The following POU6F2 variants were observed in gnomAD, a reference collection of about 807,000 sequenced individuals.
POU6F2 encodes POU class 6 homeobox 2.
A neutral mutation model predicts 71.3 loss-of-function variants in POU6F2; 31 were observed. The observed-to-expected ratio is 0.43, with a 90% CI of 0.33 to 0.59. The LOEUF (loss-of-function observed/expected upper bound fraction) is 0.59. Ranked by LOEUF, POU6F2 falls within the 20% of genes least tolerant of loss-of-function variation. The probability of loss-of-function intolerance (pLI) is 0.04; values close to 1 mark genes in which losing one functional copy is unlikely to be tolerated. For synonymous variants in POU6F2, 347 were observed against 355.7 expected, an observed-to-expected ratio of 0.98 and a Z score of 0.27; for missense variants, 783 against 856.8, an observed-to-expected ratio of 0.91 and a Z score of 1.07.
At chr7:39,371,852 T>C (rs1786618163) in intron 5 of POU6F2, among the ~76,000 whole-genome samples, 1 of 152,248 alleles carries the variant, frequency 6.6e-6, no homozygotes, top group South Asian at 2.1e-4. Flanking sequence ...CCAGATTGTA[T>C]GTATCTTAGG....
At chr7:39,046,085 C>T (rs1790285667) in intron 1 of POU6F2, among the ~76,000 whole-genome samples, 1 of 151,826 alleles carries the variant, frequency 6.6e-6, no homozygotes, top group Non-Finnish European at 1.5e-5. Flanking sequence ...CAGGATATAA[C>T]AGCTCAGGTT....
chr7:39,314,332 G>T (rs148813498), intron 4 of POU6F2, among the ~76,000 whole-genome samples: 1 of 152,120 alleles, frequency 6.6e-6, no homozygotes, highest in East Asian at 1.9e-4. Flanking sequence ...TTTGAAAATT[G>T]TCATTAATAT....
intron 1 of POU6F2, among the ~76,000 whole-genome samples, chr7:38,988,025 A>G (rs1305931748): frequency 6.6e-6 from 1 of 152,136 alleles, no homozygotes; most frequent in Non-Finnish European, 1.5e-5. Flanking sequence ...GGCTTTTAAG[A>G]ACAAATTGCA....
chr7:39,289,941 G>A (rs1298433659), intron 4 of POU6F2, among the ~76,000 whole-genome samples: 1 of 152,054 alleles, frequency 6.6e-6, no homozygotes, highest in African/African-American at 2.4e-5. Flanking sequence ...TAGTCAGACG[G>A]ACTTGGGCCT....
At chr7:39,109,311 T>C (rs1242760263) in intron 2 of POU6F2, among the ~76,000 whole-genome samples, 1 of 152,188 alleles carries the variant, frequency 6.6e-6, no homozygotes, top group Non-Finnish European at 1.5e-5. Context: ...GCTGGGATTA[T>C]AGGTGTGAGT....
intron 2 of POU6F2, among the ~76,000 whole-genome samples, chr7:39,099,866 G>A (rs1791532112): frequency 1.3e-5 from 2 of 152,128 alleles, no homozygotes; most frequent in South Asian, 4.1e-4. Context: ...TCTCTTGGGA[G>A]CGTGGATCAG....
chr7:39,077,958 G>C (rs1241055457), intron 1 of POU6F2, among the ~76,000 whole-genome samples: 1 of 152,190 alleles, frequency 6.6e-6, no homozygotes, highest in Non-Finnish European at 1.5e-5. Flanking sequence ...GGTGCAGTGG[G>C]TTGTGTTGCA....
chr7:39,312,805 G>A (rs1215836310), intron 4 of POU6F2, among the ~76,000 whole-genome samples: 37 of 152,198 alleles, frequency 2.4e-4, no homozygotes, highest in Admixed American at 2.4e-3. Flanking sequence ...GGTGGGGAGT[G>A]GGTACAATGT....
rs191860658 is a variant in POU6F2, at chr7:39,225,381, G to A, written c.598+17761G>A. Among the ~76,000 whole-genome samples the A allele has an allele frequency of 6.4e-4, 98 of 152,248 alleles. 1 individual carries two copies. Among genetic ancestry groups the A allele is most frequent in the African/African-American group, 2.2e-3 (92 of 41,560 alleles). Reference sequence around the variant, plus strand: ...CTGCCCAACTTTCCCCTAACTTAAAGTTGTTTTAATCAGGCTATGTTGAAC... The same window carrying A: ...CTGCCCAACTTTCCCCTAACTTAAAATTGTTTTAATCAGGCTATGTTGAAC... On this transcript the variant is annotated intron_variant, in intron 4 of 9. Transcript: ENST00000518318.
intron 8 of POU6F2, among the ~76,000 whole-genome samples, chr7:39,456,574 T>A (rs537489150): frequency 4.6e-5 from 7 of 152,316 alleles, no homozygotes; most frequent in African/African-American, 1.7e-4. Flanking sequence ...CCACAGGTAG[T>A]AATCAGGGTA....
In POU6F2 at chr7:39,340,752, C is replaced by CATATAT. The variant is rs149719876; in HGVS notation, c.972+754_972+759dup. 4.7e-4 allele frequency among the ~76,000 whole-genome samples: 17 copies of CATATAT among 35,828 alleles called. No individual in the cohort carries two copies. In the South Asian group the frequency reaches 7.3e-3, roughly 15 times the overall value. 23.5% of individuals were successfully genotyped at this position (35,828 alleles called of 152,430 possible). A position where few individuals can be genotyped will look rare whatever the true frequency, so the allele number is the denominator to read the frequency against. ...TTGAGAAGGAATGGATAGGTGCATT[C>CATATAT]ATATATATATATATATATATATGAC... On this transcript the variant is annotated intron_variant, in intron 5 of 9. Transcript: ENST00000518318.
At chr7:39,230,948 T>C (rs1204833218) in intron 4 of POU6F2, among the ~76,000 whole-genome samples, 6 of 152,092 alleles carry the variant, frequency 3.9e-5, no homozygotes, top group Non-Finnish European at 5.9e-5. Context: ...CTTCCCCTAC[T>C]CCCCCAGGGT....
chr7:39,419,117 A>G (rs1787782352), intron 6 of POU6F2, among the ~76,000 whole-genome samples: 1 of 136,672 alleles, frequency 7.3e-6, no homozygotes, highest in South Asian at 2.4e-4. Flanking sequence ...ATATACGTAT[A>G]TATGTGTATA....
At chr7:39,416,823 A>G (rs1022714138) in intron 6 of POU6F2, among the ~76,000 whole-genome samples, 1 of 152,218 alleles carries the variant, frequency 6.6e-6, no homozygotes, top group African/African-American at 2.4e-5. Flanking sequence ...GTAAAAAAAA[A>G]AAAGAAGTTA....
At chr7:39,448,754 C>A (rs887153792) in intron 7 of POU6F2, among the ~76,000 whole-genome samples, 1 of 151,944 alleles carries the variant, frequency 6.6e-6, no homozygotes, top group Non-Finnish European at 1.5e-5. Flanking sequence ...CACCCAGGGC[C>A]AATAAAATAT....
At chr7:39,242,021 C>G (rs541660218) in intron 4 of POU6F2, among the ~76,000 whole-genome samples, 23 of 152,200 alleles carry the variant, frequency 1.5e-4, no homozygotes, top group African/African-American at 5.3e-4. Flanking sequence ...ATTTGAGATT[C>G]ATCTATGTTG....
At chr7:39,407,892 C>A (rs550913647) in intron 6 of POU6F2, among the ~76,000 whole-genome samples, 1 of 152,252 alleles carries the variant, frequency 6.6e-6, no homozygotes, top group East Asian at 1.9e-4. Flanking sequence ...CAAAGAGAGG[C>A]CCCATGTAAT....
In POU6F2 at chr7:39,468,173, A is replaced by C. The variant is rs534196845; in HGVS notation, c.*3487A>C. On this transcript the variant is annotated 3_prime_UTR_variant, in exon 10 of 10. Coordinates refer to ENST00000518318, the MANE Select transcript of POU6F2 (RefSeq NM_001370959.1). ...GAAATTATGTGAGGCACATTTGTTT[A>C]TTTGTTGTTAAGAAAGTGATTTTTT... 3 of 148,676 alleles carry C rather than the reference A, an allele frequency of 2.0e-5. No individual in the cohort carries two copies. The South Asian group carries it at 6.4e-4, about 32-fold the overall frequency. The allele number at this position is 148,676 out of a possible 1,614,324, so 9.2% of individuals were successfully genotyped here.
At chr7:39,246,633 ACT>A (rs1783826222) in intron 4 of POU6F2, among the ~76,000 whole-genome samples, 2 of 152,224 alleles carry the variant, frequency 1.3e-5, no homozygotes, top group African/African-American at 4.8e-5. Flanking sequence ...TGATGGGATG[ACT>A]CTGAGAATGA....
Sources: gnomAD v4.1 joint callset for allele counts (sites outside exome capture counted in the v4.1 genomes callset) on GRCh38, gnomAD v4.1.1 for gene constraint, MANE v1.5 for transcripts, NCBI Gene and HGNC (gene_info 2026-07-23, HGNC 2026-07-21) for gene names.